The following SNX9 variants were observed in gnomAD, a reference collection of about 807,000 sequenced individuals.
SNX9 encodes sorting nexin 9, also known as sorting nexin-9.
In SNX9, 44 loss-of-function variants were observed where a neutral mutation model predicts 89.4. That is an observed-to-expected ratio of 0.49 (90% confidence interval 0.39 to 0.63). SNX9 has a LOEUF of 0.63. Ranked by LOEUF, SNX9 falls within the 30% of genes least tolerant of loss-of-function variation. SNX9 has a pLI of 0.00. For synonymous variants in SNX9, 236 were observed against 247.8 expected (o/e 0.95, Z 0.45); for missense variants, 578 against 736.1 (o/e 0.79, Z 2.49).
At chr6:157,892,466 G>A (rs371798940) in intron 4 of SNX9, among the ~76,000 whole-genome samples, 7 of 151,070 alleles carry the variant, frequency 4.6e-5, no homozygotes, top group African/African-American at 1.7e-4. Flanking sequence ...GATAAAGAGA[G>A]CGTTCCAGGA....
chr6:157,853,721 C>G (rs1781955309), intron 1 of SNX9, among the ~76,000 whole-genome samples: 1 of 151,902 alleles, frequency 6.6e-6, no homozygotes, highest in Non-Finnish European at 1.5e-5. Context: ...GTTCCAGAAC[C>G]TTTGGTGGAC....
At chr6:157,942,374 C>G (rs561357899) in intron 17 of SNX9, among the ~76,000 whole-genome samples, 1 of 152,336 alleles carries the variant, frequency 6.6e-6, no homozygotes, top group South Asian at 2.1e-4. Flanking sequence ...GTGCTGTCTG[C>G]ACACTCAGCA....
intron 1 of SNX9, among the ~76,000 whole-genome samples, chr6:157,824,030 G>A (rs1287339071): frequency 6.6e-6 from 1 of 152,172 alleles, no homozygotes; most frequent in Non-Finnish European, 1.5e-5. Context: ...CTTTTGTTTT[G>A]CTACCTTTTC....
At position 157,842,197 on chromosome 6, in the gene SNX9, A is replaced by G. The variant is rs149322576; in HGVS notation, c.12+18751A>G. Among the ~76,000 whole-genome samples the G allele has an allele frequency of 4.1e-3, 618 of 152,310 alleles. 1 individual carries two copies. The highest frequency in any genetic ancestry group is 0.014 in the African/African-American group (578 of 41,572). ...TTCATAAATTAAGTTTGCTGTATCTATTAAGTTGCTTGATAGTATTAAGGT... is the reference window on the plus strand; with the variant it reads ...TTCATAAATTAAGTTTGCTGTATCTGTTAAGTTGCTTGATAGTATTAAGGT... On this transcript the variant is annotated intron_variant, in intron 1 of 17. Coordinates refer to ENST00000392185, the MANE Select transcript of SNX9 (RefSeq NM_016224.5).
intron 1 of SNX9, among the ~76,000 whole-genome samples, chr6:157,850,322 G>A (rs1286470567): frequency 6.6e-6 from 1 of 152,184 alleles, no homozygotes; most frequent in Non-Finnish European, 1.5e-5. Context: ...TAGACCCGGG[G>A]CATGTGGAAA....
chr6:157,886,091 C>T (rs1562605199), intron 4 of SNX9, among the ~76,000 whole-genome samples: 1 of 152,208 alleles, frequency 6.6e-6, no homozygotes, highest in Admixed American at 6.5e-5. Context: ...TTGCTGTTCT[C>T]ATGGTCTGTG....
At chr6:157,910,849 T>C (rs1441498035) in intron 9 of SNX9, among the ~76,000 whole-genome samples, 2 of 152,330 alleles carry the variant, frequency 1.3e-5, no homozygotes, top group East Asian at 1.9e-4. Flanking sequence ...ATAAAGGTTG[T>C]GTGCCAGGTG....
intron 1 of SNX9, among the ~76,000 whole-genome samples, chr6:157,857,542 A>G (rs566719978): frequency 1.3e-5 from 2 of 152,188 alleles, no homozygotes; most frequent in East Asian, 1.9e-4. Flanking sequence ...TCCTTCAGAT[A>G]GTTACTTATT....
At chr6:157,935,055 C>T (rs1003966906) in intron 13 of SNX9, among the ~76,000 whole-genome samples, 1 of 152,156 alleles carries the variant, frequency 6.6e-6, no homozygotes, top group African/African-American at 2.4e-5. Context: ...TATAAAGATG[C>T]TTTTTAAGAA....
At chr6:157,883,014 C>T (rs1429294309) in intron 4 of SNX9, among the ~76,000 whole-genome samples, 1 of 152,100 alleles carries the variant, frequency 6.6e-6, no homozygotes, top group Admixed American at 6.6e-5. Context: ...AAGGAAGAGT[C>T]AATTGACATG....
intron 10 of SNX9, among the ~76,000 whole-genome samples, chr6:157,925,089 AAAAC>A (rs1268979137): frequency 6.6e-6 from 1 of 152,230 alleles, no homozygotes; most frequent in Non-Finnish European, 1.5e-5. Flanking sequence ...TGACAAGCGA[AAAAC>A]AAGCTACTGA....
At chr6:157,871,937 C>G (rs1782422173) in intron 2 of SNX9, among the ~76,000 whole-genome samples, 1 of 151,938 alleles carries the variant, frequency 6.6e-6, no homozygotes, top group African/African-American at 2.4e-5. Context: ...CCACTGTACC[C>G]AGCCTCATCT....
At chr6:157,879,148 G>A (rs1015827726) in intron 4 of SNX9, among the ~76,000 whole-genome samples, 11 of 152,228 alleles carry the variant, frequency 7.2e-5, no homozygotes, top group Non-Finnish European at 1.5e-4. Context: ...CTAAGGCCCA[G>A]CGGTTCTGAG....
chr6:157,893,710 A>G (rs1489193330), intron 4 of SNX9, among the ~76,000 whole-genome samples: 1 of 152,030 alleles, frequency 6.6e-6, no homozygotes, highest in Non-Finnish European at 1.5e-5. Flanking sequence ...TGTGGAGTGA[A>G]AGGCATGAAT....
Position 157,896,952 on chromosome 6 carries a change from C to A in SNX9, c.426C>A (p.Asn142Lys), listed in dbSNP as rs763932830. ...CCCAAAGAAACACAAACACTCCCAA[C>A]AACTGGGACACTGCCTTCGGCCACC... ...AGAQRNTNTPNNWDTAFGHPQ... is the reference protein window; with the variant it reads ...AGAQRNTNTPKNWDTAFGHPQ... The change falls in exon 5 of 18, where the codon AAC becomes AAA. Residue 142 changes from asparagine (N) to lysine (K), a missense_variant. Asn to Lys is a moderately conservative substitution (Grantham distance 94). Coordinates refer to ENST00000392185, the MANE Select transcript of SNX9 (RefSeq NM_016224.5). 66 of 1,612,586 alleles carry A rather than the reference C, an allele frequency of 4.1e-5. No homozygotes were observed. In the Admixed American group the frequency reaches 9.4e-4, roughly 23 times the overall value.
rs528793902 is a variant in SNX9, at chr6:157,902,163, T to C, written c.620+118T>C. 19 of 874,378 alleles carry C rather than the reference T, an allele frequency of 2.2e-5. No individual in the cohort carries two copies. In the African/African-American group the frequency reaches 2.8e-4, roughly 13 times the overall value. 54.2% of individuals were successfully genotyped at this position (874,378 alleles called of 1,614,324 possible). A position where few individuals can be genotyped will look rare whatever the true frequency, so the allele number is the denominator to read the frequency against. ...CCCTTTCCAGTGATCTCCTAAGTTT[T>C]GGATATGATTCAGTTATTTTTATTT... On this transcript the variant is annotated intron_variant, in intron 6 of 17. Transcript: ENST00000392185.
chr6:157,867,524 C>G, intron 1 of SNX9, 23 bp from the exon 2 acceptor site: 1 of 1,596,286 alleles, frequency 6.3e-7, no homozygotes, highest in African/African-American at 1.3e-5. Flanking sequence ...GTAACATCCT[C>G]TTTTCCTCTC....
At chr6:157,907,131 A>C (rs1783231285) in intron 7 of SNX9, among the ~76,000 whole-genome samples, 1 of 152,216 alleles carries the variant, frequency 6.6e-6, no homozygotes, top group Non-Finnish European at 1.5e-5. Flanking sequence ...CAAATTTGGG[A>C]TAATTAACTT....
At chr6:157,878,744 TGGCC>T (rs1782567650) in intron 4 of SNX9, among the ~76,000 whole-genome samples, 1 of 152,182 alleles carries the variant, frequency 6.6e-6, no homozygotes, top group South Asian at 2.1e-4. Flanking sequence ...CAAAGTCTAG[TGGCC>T]ATTAAGGATA....
Sources: gnomAD v4.1 joint callset for allele counts (sites outside exome capture counted in the v4.1 genomes callset) on GRCh38, gnomAD v4.1.1 for gene constraint, MANE v1.5 for transcripts, NCBI Gene and HGNC (gene_info 2026-07-23, HGNC 2026-07-21) for gene names.